SLX4IP: variants seen among roughly 807,000 people sequenced by gnomAD.
SLX4IP encodes the protein protein SLX4IP.
In SLX4IP, 34 loss-of-function variants were observed where a neutral mutation model predicts 32.9. That is an observed-to-expected ratio of 1.03 (90% CI 0.79 to 1.38). The LOEUF (loss-of-function observed/expected upper bound fraction) is 1.38. Among genes scored for constraint, SLX4IP ranks in the 40% most tolerant of loss-of-function variants. SLX4IP has a pLI of 0.00. For missense variants in SLX4IP, 444 were observed against 479.0 expected (o/e 0.93, Z 0.68); for synonymous variants, 172 against 171.7 (o/e 1.00, Z -0.01).
At chr20:10,498,119 C>T (rs546812568) in intron 2 of SLX4IP, among the ~76,000 whole-genome samples, 1 of 149,760 alleles carries the variant, frequency 6.7e-6, no homozygotes, top group Admixed American at 6.7e-5. Flanking sequence ...CAATATTCTT[C>T]CTTAACAATT....
Position 10,623,373 on chromosome 20 carries a change from C to T in SLX4IP, c.1221C>T (p.Gly407=). ...AGAAAAGAAAGAAATACGAAAGAGGCCATTAACACCGAAGAGGTTTGTACC... is the reference window on the plus strand; with the variant it reads ...AGAAAAGAAAGAAATACGAAAGAGGTCATTAACACCGAAGAGGTTTGTACC... ...PTKKRKKYER[G]H Residue 407 remains glycine (G), a synonymous_variant, in exon 8 of 8, where the codon GGC becomes GGT. Transcript: ENST00000334534. 1 of 1,608,926 alleles carries T rather than the reference C, an allele frequency of 6.2e-7. No homozygotes were observed. Among genetic ancestry groups the T allele is most frequent in the East Asian group, 2.2e-5 (1 of 44,840 alleles).
In SLX4IP at chr20:10,613,051, G is replaced by A. The variant is rs538343631; in HGVS notation, c.406-8263G>A. ...TAGCTGTCCAGCAAGTGTCTGGAAG[G>A]TGTTCTAGCTGGGTAGAGAGCCTAT... On this transcript the variant is annotated intron_variant, in intron 6 of 7. Transcript: ENST00000334534. The A allele has an allele frequency of 5.8e-5, 14 of 242,472 alleles. No individual in the cohort carries two copies. In the South Asian group the frequency reaches 8.2e-4, roughly 14 times the overall value. The allele number at this position is 242,472 out of a possible 1,614,324, so 15.0% of individuals were successfully genotyped here.
intron 2 of SLX4IP, among the ~76,000 whole-genome samples, chr20:10,555,664 A>G (rs994125347): frequency 6.6e-6 from 1 of 152,212 alleles, no homozygotes; most frequent in Non-Finnish European, 1.5e-5. Flanking sequence ...GTTTTGTAGC[A>G]TACTTTAATG....
intron 4 of SLX4IP, among the ~76,000 whole-genome samples, chr20:10,576,586 A>G (rs1311095609): frequency 6.6e-6 from 1 of 152,226 alleles, no homozygotes; most frequent in Non-Finnish European, 1.5e-5. Context: ...AGCAAAAACA[A>G]AACTAACTCC....
At chr20:10,579,008 T>C (rs762281109) in intron 4 of SLX4IP, among the ~76,000 whole-genome samples, 2 of 152,212 alleles carry the variant, frequency 1.3e-5, no homozygotes, top group Non-Finnish European at 2.9e-5. Flanking sequence ...ATTTTTCTTC[T>C]CTTCTGTGGA....
chr20:10,478,204 CT>C (rs1438922230), intron 2 of SLX4IP, among the ~76,000 whole-genome samples: 1 of 152,134 alleles, frequency 6.6e-6, no homozygotes, highest in Admixed American at 6.5e-5. Flanking sequence ...CGGCCAAGCT[CT>C]CTTTTAAAAG....
At chr20:10,445,378 C>T (rs1479153459) in intron 1 of SLX4IP, among the ~76,000 whole-genome samples, 1 of 140,510 alleles carries the variant, frequency 7.1e-6, no homozygotes, top group Non-Finnish European at 1.5e-5. Flanking sequence ...TGCAATGGCG[C>T]GATCTTGGCT....
At chr20:10,520,092 G>A (rs1250790049) in intron 2 of SLX4IP, among the ~76,000 whole-genome samples, 1 of 150,718 alleles carries the variant, frequency 6.6e-6, no homozygotes, top group East Asian at 2.0e-4. Context: ...CTCACCGTTG[G>A]CCAGGCTGGA....
At chr20:10,523,028 A>G (rs1006588654) in intron 2 of SLX4IP, among the ~76,000 whole-genome samples, 4 of 152,106 alleles carry the variant, frequency 2.6e-5, no homozygotes, top group Non-Finnish European at 5.9e-5. Context: ...CTCCCGGCCC[A>G]CTATTCTTCC....
At chr20:10,571,980 G>A (rs2066471646) in intron 4 of SLX4IP, among the ~76,000 whole-genome samples, 1 of 152,040 alleles carries the variant, frequency 6.6e-6, no homozygotes, top group Admixed American at 6.6e-5. Flanking sequence ...CTTCCCTTCA[G>A]CCCCACCCCA....
chr20:10,568,387 T>G (rs2033583596), intron 4 of SLX4IP, among the ~76,000 whole-genome samples: 1 of 152,218 alleles, frequency 6.6e-6, no homozygotes, highest in South Asian at 2.1e-4. Context: ...AACCTGCTTC[T>G]GTGTTCGCTG....
chr20:10,437,930 C>T (rs1332750732), intron 1 of SLX4IP, among the ~76,000 whole-genome samples: 2 of 152,176 alleles, frequency 1.3e-5, no homozygotes, highest in Non-Finnish European at 2.9e-5. Context: ...ATAACTTATC[C>T]CTTCACTACC....
At chr20:10,614,542 T>C (rs567780766) in intron 6 of SLX4IP, among the ~76,000 whole-genome samples, 3 of 152,192 alleles carry the variant, frequency 2.0e-5, no homozygotes, top group African/African-American at 7.2e-5. Context: ...GCCCCAAAGA[T>C]CTGCCGCCAT....
intron 4 of SLX4IP, among the ~76,000 whole-genome samples, chr20:10,572,865 C>G (rs547935856): frequency 1.3e-5 from 2 of 152,320 alleles, no homozygotes; most frequent in African/African-American, 4.8e-5. Flanking sequence ...GGTGTTCTCT[C>G]TCTTCGTCAA....
chr20:10,619,995 T>C (rs901095712), intron 6 of SLX4IP, among the ~76,000 whole-genome samples: 1 of 152,150 alleles, frequency 6.6e-6, no homozygotes, highest in African/African-American at 2.4e-5. Context: ...TAGGCACAAT[T>C]GAAGAGTGTG....
intron 4 of SLX4IP, among the ~76,000 whole-genome samples, chr20:10,565,894 C>T (rs1220806528): frequency 6.6e-6 from 1 of 152,190 alleles, no homozygotes; most frequent in Non-Finnish European, 1.5e-5. Flanking sequence ...GTTTACTCCC[C>T]TTCTAGTTCA....
chr20:10,609,861 A>AT (rs774337092), intron 6 of SLX4IP, among the ~76,000 whole-genome samples: 1 of 151,768 alleles, frequency 6.6e-6, no homozygotes, highest in Non-Finnish European at 1.5e-5. Flanking sequence ...TGTTTTCTCT[A>AT]TTTTTTACAG....
chr20:10,527,993 G>A lies in SLX4IP; in HGVS notation c.28-28238G>A, dbSNP rs533962987. On this transcript the variant is annotated intron_variant, in intron 2 of 7. Transcript: ENST00000334534. Reference sequence around the variant, plus strand: ...GTCTTATCTGTGCACTCCTGGGAGCGGGTCACAAATGTCATCCTCTGTCTT... The same window carrying A: ...GTCTTATCTGTGCACTCCTGGGAGCAGGTCACAAATGTCATCCTCTGTCTT... 3.9e-5 allele frequency among the ~76,000 whole-genome samples: 6 copies of A among 152,060 alleles called. No individual in the cohort carries two copies. In the South Asian group the frequency reaches 8.3e-4, roughly 21 times the overall value.
chr20:10,436,650 C>T (rs1600869514), intron 1 of SLX4IP, among the ~76,000 whole-genome samples: 1 of 152,184 alleles, frequency 6.6e-6, no homozygotes, highest in African/African-American at 2.4e-5. Context: ...ACATCACGCC[C>T]GGCCTGGCCC....
Sources: gnomAD v4.1 joint callset for allele counts (sites outside exome capture counted in the v4.1 genomes callset) on GRCh38, gnomAD v4.1.1 for gene constraint, MANE v1.5 for transcripts, NCBI Gene and HGNC (gene_info 2026-07-23, HGNC 2026-07-21) for gene names.